The following PHF21B variants were observed in gnomAD, a reference collection of about 807,000 sequenced individuals.
PHF21B encodes PHD finger protein 21B.
PHF21B carries 22 observed loss-of-function variants against 62.2 expected under a neutral mutation model. The observed-to-expected ratio is 0.35, with a 90% CI of 0.25 to 0.51. The LOEUF (loss-of-function observed/expected upper bound fraction) is 0.51. PHF21B is among the 20% of genes least tolerant of loss of function. The probability of loss-of-function intolerance (pLI) is 0.97; values close to 1 mark genes in which losing one functional copy is unlikely to be tolerated. For missense variants in PHF21B, 701 were observed against 707.9 expected (o/e 0.99, Z 0.11); for synonymous variants, 341 against 314.7 (o/e 1.08, Z -0.88).
intron 2 of PHF21B, among the ~76,000 whole-genome samples, chr22:44,969,458 G>A (rs1233276545): frequency 6.6e-6 from 1 of 152,110 alleles, no homozygotes; most frequent in Non-Finnish European, 1.5e-5. Context: ...TTGAGGTCAG[G>A]AGCCCAAGAC....
intron 5 of PHF21B, chr22:44,901,679 C>A: frequency 1.9e-6 from 1 of 513,008 alleles, no homozygotes; most frequent in Admixed American, 3.4e-5. Flanking sequence ...AACCTCAAAG[C>A]TAAAAAGCCC....
chr22:44,930,697 C>G (rs2147338405), intron 2 of PHF21B, among the ~76,000 whole-genome samples: 1 of 152,308 alleles, frequency 6.6e-6, no homozygotes, highest in Admixed American at 6.5e-5. Context: ...CCATCCATGC[C>G]CAGGAGCTGA....
rs1569250468 is a variant in PHF21B at position 44,952,559 on chromosome 22, T to C, written c.121-32069A>G. On this transcript the variant is annotated intron_variant, in intron 2 of 12. Transcript: ENST00000313237. ...GTGGACTGAACGATGCCCAGCATTT[T>C]TGGGCTTTCAACTGATGGGAATTAC... 2.0e-5 allele frequency among the ~76,000 whole-genome samples: 3 copies of C among 152,206 alleles called. No individual in the cohort carries two copies. The South Asian group carries it at 6.2e-4, about 32-fold the overall frequency.
intron 2 of PHF21B, chr22:44,989,180 T>TA (rs1417127342): frequency 6.6e-6 from 1 of 152,158 alleles, no homozygotes; most frequent in African/African-American, 2.4e-5. Flanking sequence ...GGGCCACAGA[T>TA]AAAGCAGCCT....
intron 5 of PHF21B, among the ~76,000 whole-genome samples, chr22:44,905,521 A>G (rs565651234): frequency 6.6e-6 from 1 of 152,362 alleles, no homozygotes; most frequent in East Asian, 1.9e-4. Flanking sequence ...CATCTGGAAT[A>G]AATTCATGTT....
At position 44,985,864 on chromosome 22, in the gene PHF21B, TCAC is replaced by T. The variant is rs879319440; in HGVS notation, c.120+22678_120+22680del. Among the ~76,000 whole-genome samples the T allele has an allele frequency of 1.5e-3, 226 of 150,928 alleles. 1 individual carries two copies. Among genetic ancestry groups the T allele is most frequent in the African/African-American group, 4.9e-3 (201 of 41,180 alleles). ...GCCACTACCATCACAATGATCACCA[TCAC>T]CACCACCATCACCAGCAGCACCACC... On this transcript the variant is annotated intron_variant, in intron 2 of 12. Transcript: ENST00000313237.
At chr22:44,946,724 G>A (rs1049836731) in intron 2 of PHF21B, among the ~76,000 whole-genome samples, 4 of 152,162 alleles carry the variant, frequency 2.6e-5, no homozygotes, top group African/African-American at 9.7e-5. Flanking sequence ...TCAGGGGGAT[G>A]CTCAGGATTC....
intron 2 of PHF21B, among the ~76,000 whole-genome samples, chr22:44,922,677 C>T (rs1283298978): frequency 6.6e-6 from 1 of 152,050 alleles, no homozygotes. Flanking sequence ...ATACACTAGG[C>T]ACCAACATTT....
chr22:44,909,392 A>G lies in PHF21B; in HGVS notation c.831+4430T>C, dbSNP rs557860335. On this transcript the variant is annotated intron_variant, in intron 5 of 12. Transcript: ENST00000313237. ...GCTGCCAGCCGAGCCAGGGCCTCAC[A>G]GTGCACCTGCAGGTGCAGACACTGC... Among the ~76,000 whole-genome samples the G allele has an allele frequency of 2.4e-4, 36 of 152,360 alleles. No individual in the cohort carries two copies. In the South Asian group the frequency reaches 4.3e-3, roughly 18 times the overall value.
intron 2 of PHF21B, among the ~76,000 whole-genome samples, chr22:44,941,449 C>T (rs5766218): frequency 0.56 from 85,107 of 152,122 alleles, 25,158 homozygotes; most frequent in Non-Finnish European, 0.66. Context: ...CCTCCTCCCC[C>T]GAGGCCACTT....
intron 2 of PHF21B, chr22:44,969,086 C>T (rs1406863035): frequency 6.6e-6 from 1 of 152,272 alleles, no homozygotes; most frequent in East Asian, 1.9e-4. Context: ...TCTCTGCAGG[C>T]GTCACTGCTT....
At chr22:44,987,976 G>A (rs886242358) in intron 2 of PHF21B, among the ~76,000 whole-genome samples, 1 of 152,180 alleles carries the variant, frequency 6.6e-6, no homozygotes, top group South Asian at 2.1e-4. Flanking sequence ...GACTTGCTTT[G>A]GAGATAGTGA....
intron 2 of PHF21B, among the ~76,000 whole-genome samples, chr22:44,999,549 G>C (rs189650200): frequency 6.6e-6 from 1 of 152,060 alleles, no homozygotes; most frequent in Non-Finnish European, 1.5e-5. Context: ...TACTGCTCGC[G>C]GTCACCAGGA....
chr22:44,884,047 C>T (rs113924729), intron 12 of PHF21B, among the ~76,000 whole-genome samples: 1,474 of 16,334 alleles, frequency 0.09, 10 homozygotes, highest in African/African-American at 0.13. Context: ...ATCAGCACCA[C>T]CACCACCATC....
intron 2 of PHF21B, among the ~76,000 whole-genome samples, chr22:44,933,856 C>A (rs1303685496): frequency 2.0e-5 from 3 of 152,148 alleles, no homozygotes; most frequent in African/African-American, 7.2e-5. Context: ...GGCACAGTAA[C>A]TGAATACAAA....
chr22:44,925,992 C>T (rs1041333820), intron 2 of PHF21B, among the ~76,000 whole-genome samples: 8 of 152,278 alleles, frequency 5.3e-5, no homozygotes, highest in African/African-American at 1.9e-4. Flanking sequence ...GGTAACTCCA[C>T]CCAACTGGGG....
intron 5 of PHF21B, among the ~76,000 whole-genome samples, chr22:44,912,878 C>CAAAAAAAAAAAAA (rs3087031): frequency 0.035 from 1,577 of 45,504 alleles, 188 homozygotes; most frequent in Middle Eastern, 0.078. Context: ...GACTCTATCT[C>CAAAAAAAAAAAAA]AAAAAAAAAA....
Position 44,927,116 on chromosome 22 carries a change from G to A in PHF21B, c.121-6626C>T, listed in dbSNP as rs2071647656. ...GACCCAAAGGAGAGGGACGGATGGA[G>A]GCGGCGGAGAGGCAGAACCCCGAGA... On this transcript the variant is annotated intron_variant, in intron 2 of 12. Transcript: ENST00000313237. Among the ~76,000 whole-genome samples, 4 of 152,062 alleles carry A rather than the reference G, an allele frequency of 2.6e-5. No individual in the cohort carries two copies. The South Asian group carries it at 6.3e-4, about 24-fold the overall frequency.
chr22:44,909,406 T>G (rs976704768), intron 5 of PHF21B, among the ~76,000 whole-genome samples: 1 of 152,188 alleles, frequency 6.6e-6, no homozygotes, highest in Non-Finnish European at 1.5e-5. Flanking sequence ...CACCTGCAGG[T>G]GCAGACACTG....
Sources: allele counts gnomAD v4.1 joint callset (sites outside exome capture counted in the v4.1 genomes callset), GRCh38; gene constraint gnomAD v4.1.1; transcripts MANE v1.5; gene names NCBI Gene and HGNC (gene_info 2026-07-23, HGNC 2026-07-21).